TFCP2L1: variants seen among roughly 807,000 people sequenced by gnomAD.
TFCP2L1 encodes the protein transcription factor CP2 like 1.
Under a neutral mutation model 72.2 loss-of-function variants are expected in TFCP2L1, and 12 were observed. The observed-to-expected ratio is 0.17, with a 90% CI of 0.11 to 0.27. The LOEUF is 0.27. Among genes scored for constraint, TFCP2L1 ranks in the 10% least tolerant of loss-of-function variants. The probability of loss-of-function intolerance (pLI) is 1.00; values close to 1 mark genes in which losing one functional copy is unlikely to be tolerated. For missense variants in TFCP2L1, 488 were observed against 624.6 expected (o/e 0.78, Z 2.33); for synonymous variants, 260 against 251.0 (o/e 1.04, Z -0.34).
intron 1 of TFCP2L1, among the ~76,000 whole-genome samples, chr2:121,284,675 T>A (rs924834633): frequency 6.6e-6 from 1 of 152,160 alleles, no homozygotes; most frequent in Admixed American, 6.5e-5. Flanking sequence ...ACCAGGCTGC[T>A]GGCAGGAAGT....
In TFCP2L1 at chr2:121,222,076, G is replaced by C. The variant is rs528467889; in HGVS notation, c.*2265C>G. 6.6e-6 allele frequency: 1 copy of C among 152,266 alleles called. No homozygotes were observed. The highest frequency in any genetic ancestry group is 1.5e-5 in the Non-Finnish European group (1 of 68,032). 9.4% of individuals were successfully genotyped at this position (152,266 alleles called of 1,614,324 possible). On this transcript the variant is annotated 3_prime_UTR_variant, in exon 15 of 15. Coordinates refer to ENST00000263707, the MANE Select transcript of TFCP2L1 (RefSeq NM_014553.3). ...GACACTCAGCATCAGTTGCCATCAG[G>C]GGAATGCAAATCAAAACCACAAGAT...
chr2:121,243,960 G>A (rs1054935321), intron 6 of TFCP2L1, among the ~76,000 whole-genome samples: 2 of 152,128 alleles, frequency 1.3e-5, no homozygotes, highest in Non-Finnish European at 2.9e-5. Flanking sequence ...AAAGGTTGGG[G>A]CCCCGCTGCC....
At chr2:121,247,484 A>T (rs1187180934) in intron 5 of TFCP2L1, among the ~76,000 whole-genome samples, 1 of 152,186 alleles carries the variant, frequency 6.6e-6, no homozygotes, top group African/African-American at 2.4e-5. Context: ...ATATTATAAG[A>T]ATCCATACAT....
chr2:121,258,974 G>A (rs558409358), intron 2 of TFCP2L1, among the ~76,000 whole-genome samples: 58 of 152,178 alleles, frequency 3.8e-4, no homozygotes, highest in Non-Finnish European at 6.9e-4. Flanking sequence ...CTGCTCGGGC[G>A]CGGTGGCTCA....
intron 3 of TFCP2L1, among the ~76,000 whole-genome samples, 170 bp from the exon 4 acceptor site, chr2:121,249,257 A>G (rs1686554587): frequency 6.6e-6 from 1 of 151,836 alleles, no homozygotes; most frequent in East Asian, 1.9e-4. Context: ...TTCCAGTAAC[A>G]CTAACAACAG....
At chr2:121,271,821 A>G (rs1174961246) in intron 2 of TFCP2L1, among the ~76,000 whole-genome samples, 2 of 152,198 alleles carry the variant, frequency 1.3e-5, no homozygotes, top group Non-Finnish European at 2.9e-5. Context: ...TGGTTCTAGG[A>G]GCAGGGAAGA....
intron 6 of TFCP2L1, among the ~76,000 whole-genome samples, chr2:121,246,242 G>T (rs530180378): frequency 8.5e-5 from 13 of 152,210 alleles, no homozygotes; most frequent in Non-Finnish European, 1.8e-4. Context: ...CTATCTTCAG[G>T]AAATAATCAG....
chr2:121,265,441 G>C (rs1686909647), intron 2 of TFCP2L1, among the ~76,000 whole-genome samples: 2 of 152,102 alleles, frequency 1.3e-5, no homozygotes, highest in African/African-American at 2.4e-5. Flanking sequence ...ATTTTATACA[G>C]TAAATGGGTG....
chr2:121,249,484 C>T (rs1686560822), intron 3 of TFCP2L1, 87 bp downstream of exon 3: 2 of 1,279,340 alleles, frequency 1.6e-6, no homozygotes, highest in Non-Finnish European at 2.3e-6. Flanking sequence ...CTTCCAGCTA[C>T]CCGTGCCCAA....
chr2:121,227,864 C>A (rs1284029668), intron 13 of TFCP2L1, among the ~76,000 whole-genome samples: 2 of 152,214 alleles, frequency 1.3e-5, no homozygotes, highest in African/African-American at 2.4e-5. Flanking sequence ...CCTGTCGCCC[C>A]CGCCCCTCCC....
intron 2 of TFCP2L1, among the ~76,000 whole-genome samples, chr2:121,260,418 A>T (rs1321370746): frequency 6.6e-6 from 1 of 152,196 alleles, no homozygotes; most frequent in Non-Finnish European, 1.5e-5. Flanking sequence ...GAGATAATGT[A>T]CTTCCCGCCC....
chr2:121,257,849 G>A (rs954982283), intron 2 of TFCP2L1, among the ~76,000 whole-genome samples: 12 of 149,640 alleles, frequency 8.0e-5, no homozygotes, highest in Non-Finnish European at 1.8e-4. Context: ...TGCTTTCGGC[G>A]CTTTGCAACT....
chr2:121,279,243 A>C (rs986197055), intron 2 of TFCP2L1, among the ~76,000 whole-genome samples: 9 of 152,372 alleles, frequency 5.9e-5, no homozygotes, highest in African/African-American at 2.2e-4. Context: ...GCAAAAAAGC[A>C]GAGGCCCAAA....
At chr2:121,234,806 G>A (rs1270472487) in intron 11 of TFCP2L1, among the ~76,000 whole-genome samples, 2 of 152,248 alleles carry the variant, frequency 1.3e-5, no homozygotes, top group Non-Finnish European at 2.9e-5. Context: ...GGACGGCGCT[G>A]CTCTGGAGTC....
chr2:121,252,377 G>C (rs908075419), intron 2 of TFCP2L1, among the ~76,000 whole-genome samples: 2 of 152,094 alleles, frequency 1.3e-5, no homozygotes, highest in Non-Finnish European at 2.9e-5. Context: ...AAAAGCAATT[G>C]ATTAGTACCA....
chr2:121,258,507 C>T (rs1263019209), intron 2 of TFCP2L1, among the ~76,000 whole-genome samples: 4 of 152,238 alleles, frequency 2.6e-5, no homozygotes, highest in African/African-American at 7.2e-5. Flanking sequence ...CAGCTTCACC[C>T]AGTGGTGCTG....
intron 6 of TFCP2L1, among the ~76,000 whole-genome samples, chr2:121,245,325 C>T (rs542295206): frequency 1.3e-5 from 2 of 152,294 alleles, no homozygotes; most frequent in South Asian, 4.1e-4. Context: ...CCGCTGACAC[C>T]TTTAGCCCAG....
At chr2:121,233,186 G>C (rs1401559702) in intron 12 of TFCP2L1, among the ~76,000 whole-genome samples, 2 of 151,996 alleles carry the variant, frequency 1.3e-5, no homozygotes, top group East Asian at 3.9e-4. Context: ...AGGTGTGGGG[G>C]TGTGCACTTT....
At position 121,234,243 on chromosome 2, in the gene TFCP2L1, G is replaced by A. The variant is rs750208196; in HGVS notation, c.1095-49C>T. ...TAATAGGTGTGGTGGACCAGGCGCAGTTGTTTCAGAATATTCCAGGATGGA... is the reference window on the plus strand; with the variant it reads ...TAATAGGTGTGGTGGACCAGGCGCAATTGTTTCAGAATATTCCAGGATGGA... On this transcript the variant is annotated intron_variant, in intron 11 of 14. Coordinates refer to ENST00000263707, the MANE Select transcript of TFCP2L1 (RefSeq NM_014553.3). 343 of 1,539,108 alleles carry A rather than the reference G, an allele frequency of 2.2e-4. 1 individual carries two copies. Among genetic ancestry groups the A allele is most frequent in the Non-Finnish European group, 2.8e-4 (313 of 1,112,916 alleles).
Sources: gnomAD v4.1 joint callset for allele counts (sites outside exome capture counted in the v4.1 genomes callset) on GRCh38, gnomAD v4.1.1 for gene constraint, MANE v1.5 for transcripts, NCBI Gene and HGNC (gene_info 2026-07-23, HGNC 2026-07-21) for gene names.